The following SORBS2 variants were observed in gnomAD, a reference collection of about 807,000 sequenced individuals.
SORBS2 encodes sorbin and SH3 domain containing 2.
A neutral mutation model predicts 97.7 loss-of-function variants in SORBS2; 46 were observed. The ratio of observed to expected loss-of-function variants is 0.47; its 90% CI spans 0.37 to 0.60. The LOEUF (loss-of-function observed/expected upper bound fraction) is 0.60. Among genes scored for constraint, SORBS2 ranks in the 20% least tolerant of loss-of-function variants. The pLI is 0.00. For synonymous variants in SORBS2, 476 were observed against 473.4 expected, an observed-to-expected ratio of 1.01 and a Z score of -0.07; for missense variants, 1,316 against 1,282.3, an observed-to-expected ratio of 1.03 and a Z score of -0.40.
At chr4:185,669,945 G>A (rs1001152780) in intron 4 of SORBS2, among the ~76,000 whole-genome samples, 9 of 152,110 alleles carry the variant, frequency 5.9e-5, no homozygotes, top group South Asian at 2.1e-4. Flanking sequence ...TAGGGCAAGC[G>A]CAGTGGCTCA....
intron 2 of SORBS2, among the ~76,000 whole-genome samples, chr4:185,724,532 C>T (rs766513787): frequency 6.6e-6 from 1 of 152,134 alleles, no homozygotes; most frequent in Non-Finnish European, 1.5e-5. Context: ...TTTCCTACCT[C>T]TCTTCACTGT....
chr4:185,786,246 A>G (rs766427256), intron 1 of SORBS2, among the ~76,000 whole-genome samples: 28 of 152,202 alleles, frequency 1.8e-4, no homozygotes, highest in South Asian at 4.1e-4. Flanking sequence ...ACTTTGTCCT[A>G]TGATTGACAT....
At chr4:185,822,322 G>A (rs764026862) in intron 1 of SORBS2, among the ~76,000 whole-genome samples, 2 of 152,182 alleles carry the variant, frequency 1.3e-5, no homozygotes, top group Non-Finnish European at 2.9e-5. Context: ...CAACAGGCCT[G>A]GAGCTCTGTA....
At chr4:185,594,556 C>T (rs2096038433) in intron 12 of SORBS2, among the ~76,000 whole-genome samples, 1 of 152,162 alleles carries the variant, frequency 6.6e-6, no homozygotes, top group Non-Finnish European at 1.5e-5. Context: ...TAACATGTAA[C>T]ATTTTACCTT....
chr4:185,589,588 G>A (rs1467808770), intron 14 of SORBS2, 91 bp downstream of exon 26: 1 of 759,480 alleles, frequency 1.3e-6, no homozygotes, highest in East Asian at 2.5e-5. Flanking sequence ...GAATTCAAAG[G>A]AAGCTCGGCC....
intron 1 of SORBS2, among the ~76,000 whole-genome samples, chr4:185,904,466 T>C (rs62336462): frequency 0.21 from 32,254 of 152,104 alleles, 4,064 homozygotes; most frequent in Non-Finnish European, 0.28. Context: ...GACACCTGCC[T>C]CTCTGTAAGA....
chr4:185,619,990 G>A, intron 8 of SORBS2, 73 bp downstream of exon 20: 1 of 900,854 alleles, frequency 1.1e-6, no homozygotes, highest in South Asian at 1.3e-5. Context: ...ACTGGTTTGG[G>A]ATAATTTTTG....
chr4:185,706,870 T>G (rs577143019), intron 2 of SORBS2, among the ~76,000 whole-genome samples: 6 of 152,350 alleles, frequency 3.9e-5, no homozygotes, highest in African/African-American at 1.4e-4. Flanking sequence ...ATATAATATT[T>G]AATTTTGTCA....
chr4:185,839,451 C>A (rs1162523859), intron 1 of SORBS2, among the ~76,000 whole-genome samples: 1 of 152,130 alleles, frequency 6.6e-6, no homozygotes, highest in Non-Finnish European at 1.5e-5. Flanking sequence ...AGGGGTCGGT[C>A]CAGTAGGAGG....
intron 1 of SORBS2, among the ~76,000 whole-genome samples, chr4:185,922,687 A>G (rs763531757): frequency 1.3e-5 from 2 of 152,182 alleles, no homozygotes; most frequent in Non-Finnish European, 2.9e-5. Flanking sequence ...CCATTTTCTT[A>G]GAAAATCTTT....
intron 4 of SORBS2, among the ~76,000 whole-genome samples, chr4:185,633,432 C>T (rs1403634651): frequency 6.6e-6 from 1 of 150,858 alleles, no homozygotes; most frequent in Non-Finnish European, 1.5e-5. Flanking sequence ...AGATAACTGG[C>T]AAATAGATCA....
intron 2 of SORBS2, among the ~76,000 whole-genome samples, chr4:185,759,636 G>C (rs539663441): frequency 2.6e-5 from 4 of 151,282 alleles, no homozygotes; most frequent in African/African-American, 9.7e-5. Flanking sequence ...TTCTGTTACA[G>C]TTTTAAAAGA....
At chr4:185,608,741 G>A (rs1580852965) in intron 12 of SORBS2, among the ~76,000 whole-genome samples, 1 of 152,170 alleles carries the variant, frequency 6.6e-6, no homozygotes, top group Non-Finnish European at 1.5e-5. Flanking sequence ...TACCTGCTAT[G>A]TGCCTAAAAG....
chr4:185,843,257 G>A (rs2099212694), intron 1 of SORBS2, among the ~76,000 whole-genome samples: 1 of 152,134 alleles, frequency 6.6e-6, no homozygotes, highest in Non-Finnish European at 1.5e-5. Flanking sequence ...CTAAGAGAAA[G>A]CAAAACAGCA....
chr4:185,648,989 TG>T (rs1349113877), intron 3 of SORBS2, among the ~76,000 whole-genome samples: 1 of 152,204 alleles, frequency 6.6e-6, no homozygotes, highest in Non-Finnish European at 1.5e-5. Context: ...AATATTTCAG[TG>T]GAGAAAGGAA....
chr4:185,636,243 C>T (rs182645409), intron 4 of SORBS2, among the ~76,000 whole-genome samples: 1 of 152,310 alleles, frequency 6.6e-6, no homozygotes, highest in East Asian at 1.9e-4. Context: ...AATACATTTA[C>T]ATTCACACTA....
intron 9 of SORBS2, 21 bp downstream of exon 21, chr4:185,618,564 A>G (rs2096662608): frequency 2.9e-6 from 4 of 1,382,438 alleles, no homozygotes; most frequent in Non-Finnish European, 4.0e-6. Flanking sequence ...AAATCATATG[A>G]TGAGTATTTA....
At chr4:185,773,516 C>CG (rs1275899806) in intron 2 of SORBS2, 1 of 152,226 alleles carries the variant, frequency 6.6e-6, no homozygotes, top group African/African-American at 2.4e-5. Context: ...CACAGCTCCG[C>CG]CCCTTTGGAG....
chr4:185,838,186 A>G (rs2099209268), intron 1 of SORBS2, among the ~76,000 whole-genome samples: 1 of 152,254 alleles, frequency 6.6e-6, no homozygotes, highest in South Asian at 2.1e-4. Flanking sequence ...ACCTGCACCC[A>G]GGCCTGGCTG....
Sources: gnomAD v4.1 joint callset for allele counts (sites outside exome capture counted in the v4.1 genomes callset) on GRCh38, gnomAD v4.1.1 for gene constraint, MANE v1.5 for transcripts, NCBI Gene and HGNC (gene_info 2026-07-23, HGNC 2026-07-21) for gene names.